LRRC4C: variants seen among roughly 807,000 people sequenced by gnomAD.
The protein encoded by LRRC4C is leucine rich repeat containing 4C, also known as leucine-rich repeat-containing protein 4C.
Under a neutral mutation model 33.6 loss-of-function variants are expected in LRRC4C, and 5 were observed. The ratio of observed to expected loss-of-function variants is 0.15; its 90% CI spans 0.08 to 0.31. The LOEUF (loss-of-function observed/expected upper bound fraction) is 0.31, where lower values mean the gene tolerates loss of function less well. Ranked by LOEUF, LRRC4C falls within the 10% of genes least tolerant of loss-of-function variation. LRRC4C has a pLI of 1.00. For missense variants in LRRC4C, 560 were observed against 796.7 expected (o/e 0.70, Z 3.58); for synonymous variants, 329 against 302.0 (o/e 1.09, Z -0.93).
chr11:40,476,063 A>G (rs1209839921), intron 3 of LRRC4C, among the ~76,000 whole-genome samples: 1 of 152,114 alleles, frequency 6.6e-6, no homozygotes, highest in African/African-American at 2.4e-5. Context: ...GACATTGCAA[A>G]ATGTTCCCTG....
chr11:40,648,837 A>G (rs866883565), intron 2 of LRRC4C, among the ~76,000 whole-genome samples: 17 of 152,174 alleles, frequency 1.1e-4, no homozygotes, highest in African/African-American at 3.9e-4. Flanking sequence ...CAGCCAGCTG[A>G]GAAATAAAGA....
intron 3 of LRRC4C, among the ~76,000 whole-genome samples, chr11:40,609,662 A>G (rs564556441): frequency 6.6e-6 from 1 of 151,958 alleles, no homozygotes; most frequent in African/African-American, 2.4e-5. Context: ...TCTTTAAACT[A>G]GGAAAAAAGA....
chr11:40,485,667 A>C (rs1405577762), intron 3 of LRRC4C, among the ~76,000 whole-genome samples: 1 of 152,110 alleles, frequency 6.6e-6, no homozygotes, highest in East Asian at 1.9e-4. Flanking sequence ...ATATACCCGA[A>C]GGAATATAAA....
intron 2 of LRRC4C, among the ~76,000 whole-genome samples, chr11:40,704,768 T>C (rs1041026161): frequency 2.0e-5 from 3 of 152,162 alleles, no homozygotes; most frequent in Non-Finnish European, 4.4e-5. Flanking sequence ...AAGTGCTCAA[T>C]AAATATTAGC....
chr11:41,083,288 TAG>T (rs1939713716), intron 1 of LRRC4C, among the ~76,000 whole-genome samples: 1 of 152,062 alleles, frequency 6.6e-6, no homozygotes, highest in Non-Finnish European at 1.5e-5. Flanking sequence ...AAATATTTTC[TAG>T]AGAGTTACCA....
chr11:40,182,130 TAAGTAAA>T (rs1472261614), intron 5 of LRRC4C, among the ~76,000 whole-genome samples: 1 of 152,246 alleles, frequency 6.6e-6, no homozygotes, highest in African/African-American at 2.4e-5. Flanking sequence ...TGTAAAGTAA[TAAGTAAA>T]AAGTATTAAT....
At chr11:41,380,962 A>G (rs1953123507) in intron 1 of LRRC4C, among the ~76,000 whole-genome samples, 1 of 152,176 alleles carries the variant, frequency 6.6e-6, no homozygotes, top group South Asian at 2.1e-4. Flanking sequence ...AAGAAGAAAA[A>G]TGTCTTTCCT....
intron 3 of LRRC4C, among the ~76,000 whole-genome samples, chr11:40,605,816 A>G (rs1960522258): frequency 1.3e-5 from 2 of 152,328 alleles, no homozygotes; most frequent in African/African-American, 4.8e-5. Context: ...CCCAGCATGG[A>G]AAGAATGAGA....
At chr11:40,768,977 C>T (rs1949616640) in intron 2 of LRRC4C, among the ~76,000 whole-genome samples, 1 of 152,022 alleles carries the variant, frequency 6.6e-6, no homozygotes, top group South Asian at 2.1e-4. Context: ...CTATTAGTCC[C>T]AGCTAGTGTT....
chr11:41,090,950 T>A (rs556553669), intron 1 of LRRC4C, among the ~76,000 whole-genome samples: 1,826 of 152,226 alleles, frequency 0.012, 23 homozygotes, highest in Non-Finnish European at 0.021. Context: ...CTCAGGCAGT[T>A]CTTTATAGCA....
intron 1 of LRRC4C, among the ~76,000 whole-genome samples, chr11:41,211,399 A>G (rs1474437856): frequency 1.3e-5 from 2 of 152,118 alleles, no homozygotes; most frequent in Non-Finnish European, 2.9e-5. Context: ...TTATATATGT[A>G]TACACGTGCC....
intron 2 of LRRC4C, among the ~76,000 whole-genome samples, chr11:40,928,261 T>C (rs994111650): frequency 6.0e-5 from 9 of 150,444 alleles, no homozygotes; most frequent in African/African-American, 2.2e-4. Context: ...TAAATATATA[T>C]TTATAAATAT....
At chr11:41,214,785 ATATATGTGTGT>A (rs1332572222) in intron 1 of LRRC4C, among the ~76,000 whole-genome samples, 1 of 144,380 alleles carries the variant, frequency 6.9e-6, no homozygotes, top group Non-Finnish European at 1.5e-5. Context: ...ACACACATAT[ATATATGTGTGT>A]ATATATATGT....
chr11:40,283,001 T>A (rs1943584444), intron 4 of LRRC4C, among the ~76,000 whole-genome samples: 1 of 152,210 alleles, frequency 6.6e-6, no homozygotes, highest in Admixed American at 6.5e-5. Flanking sequence ...AAATTTACAT[T>A]CTCTTCTTTG....
chr11:40,739,025 GTGTA>G (rs1403576601), intron 2 of LRRC4C, among the ~76,000 whole-genome samples: 1,343 of 74,534 alleles, frequency 0.018, 17 homozygotes, highest in African/African-American at 0.053. Flanking sequence ...GTGTGTGTGT[GTGTA>G]TGTGTGTGTG....
chr11:40,399,586 T>C (rs899366782), intron 3 of LRRC4C, among the ~76,000 whole-genome samples: 27 of 152,006 alleles, frequency 1.8e-4, no homozygotes, highest in South Asian at 6.2e-4. Flanking sequence ...TAATGCTAAA[T>C]GACGAGTTAA....
intron 5 of LRRC4C, among the ~76,000 whole-genome samples, chr11:40,197,168 T>C (rs1326948565): frequency 6.6e-6 from 1 of 152,174 alleles, no homozygotes; most frequent in Non-Finnish European, 1.5e-5. Flanking sequence ...CTGGAAAAAT[T>C]AACGTTGTGT....
intron 2 of LRRC4C, among the ~76,000 whole-genome samples, chr11:40,875,848 A>C (rs780422758): frequency 4.6e-5 from 7 of 152,124 alleles, no homozygotes; most frequent in South Asian, 2.1e-4. Context: ...AATATATATG[A>C]AATGTTATAC....
intron 2 of LRRC4C, among the ~76,000 whole-genome samples, chr11:40,819,044 A>G (rs1017541573): frequency 5.3e-5 from 8 of 152,016 alleles, no homozygotes; most frequent in African/African-American, 1.9e-4. Flanking sequence ...TTCATTTCCT[A>G]TGAAACTTTT....
Sources: allele counts gnomAD v4.1 joint callset (sites outside exome capture counted in the v4.1 genomes callset), GRCh38; gene constraint gnomAD v4.1.1; transcripts MANE v1.5; gene names NCBI Gene and HGNC (gene_info 2026-07-23, HGNC 2026-07-21).